XPO7: variants seen among roughly 807,000 people sequenced by gnomAD.
XPO7 encodes exportin 7.
XPO7 carries 21 observed loss-of-function variants against 144.3 expected under a neutral mutation model. The observed-to-expected ratio is 0.15, with a 90% CI of 0.10 to 0.21. The LOEUF (loss-of-function observed/expected upper bound fraction) is 0.21, where lower values mean the gene tolerates loss of function less well. XPO7 is among the 10% of genes least tolerant of loss of function. XPO7 has a pLI of 1.00. For synonymous variants in XPO7, 580 were observed against 499.6 expected (o/e 1.16, Z -2.15); for missense variants, 808 against 1,325.8 (o/e 0.61, Z 6.06).
intron 7 of XPO7, among the ~76,000 whole-genome samples, chr8:21,977,288 A>G (rs1207728989): frequency 6.6e-6 from 1 of 152,224 alleles, no homozygotes; most frequent in Admixed American, 6.5e-5. Flanking sequence ...TACTTTCAAA[A>G]AAAGAAAAGA....
Position 21,984,632 on chromosome 8 carries a change from TC to T in XPO7, c.1278-11del. The stretch of plus-strand genomic sequence containing the variant: ...ATTTTAAGAGAGCTGCCTTCCTTCT[TC>T]CCTTGGGAATAGAGATGGCCTGGAA... On this transcript the variant is annotated splice_polypyrimidine_tract_variant and intron_variant, in intron 11 of 27. Coordinates refer to ENST00000252512, the MANE Select transcript of XPO7 (RefSeq NM_015024.5). 6.2e-7 allele frequency: 1 copy of T among 1,600,530 alleles called. No homozygotes were observed. The highest frequency in any genetic ancestry group is 8.5e-7 in the Non-Finnish European group (1 of 1,173,568).
intron 1 of XPO7, among the ~76,000 whole-genome samples, chr8:21,926,296 T>C (rs1585412374): frequency 6.6e-6 from 1 of 152,168 alleles, no homozygotes; most frequent in Non-Finnish European, 1.5e-5. Flanking sequence ...TGAACTTGAG[T>C]TGGACACATG....
intron 12 of XPO7, 146 bp from the exon 13 acceptor site, chr8:21,985,440 C>G: frequency 1.3e-6 from 1 of 741,630 alleles, no homozygotes; most frequent in Non-Finnish European, 2.3e-6. Flanking sequence ...TTGCCCTTAC[C>G]AAAGCAGAGA....
intron 1 of XPO7, among the ~76,000 whole-genome samples, chr8:21,948,208 G>A (rs1016993780): frequency 1.3e-5 from 2 of 152,318 alleles, no homozygotes; most frequent in Middle Eastern, 3.4e-3. Flanking sequence ...TTTGGTCAAC[G>A]ATGGATCACA....
At chr8:21,963,043 A>G (rs1489581234) in intron 1 of XPO7, among the ~76,000 whole-genome samples, 1 of 152,194 alleles carries the variant, frequency 6.6e-6, no homozygotes, top group African/African-American at 2.4e-5. Flanking sequence ...AGGGTTTGTG[A>G]AAAGGGTGAA....
chr8:21,987,395 C>T, intron 14 of XPO7, 119 bp downstream of exon 14: 1 of 1,376,560 alleles, frequency 7.3e-7, no homozygotes, highest in South Asian at 1.4e-5. Context: ...TAGGACAGTC[C>T]AAATGTTTTC....
chr8:21,962,427 T>G (rs1298030315), intron 1 of XPO7, among the ~76,000 whole-genome samples: 1 of 152,218 alleles, frequency 6.6e-6, no homozygotes, highest in Non-Finnish European at 1.5e-5. Flanking sequence ...TTGTGAATAG[T>G]TTTTTGTCTG....
intron 9 of XPO7, 113 bp downstream of exon 9, chr8:21,980,316 G>A (rs951872680): frequency 2.7e-4 from 341 of 1,267,888 alleles, no homozygotes; most frequent in Admixed American, 1.0e-3. Flanking sequence ...GTTCTTCAGG[G>A]AAGACTGAAG....
intron 1 of XPO7, among the ~76,000 whole-genome samples, chr8:21,921,004 TCG>T (rs1258009146): frequency 6.6e-6 from 1 of 152,134 alleles, no homozygotes; most frequent in Non-Finnish European, 1.5e-5. Flanking sequence ...AAGTAGATCT[TCG>T]GAGTGTGCGG....
chr8:21,994,925 G>C (rs1812893157), intron 20 of XPO7, among the ~76,000 whole-genome samples: 1 of 152,050 alleles, frequency 6.6e-6, no homozygotes. Flanking sequence ...GTGGTGGCGG[G>C]CGCTTGTAGT....
chr8:21,950,496 G>A (rs1041103019), intron 1 of XPO7, among the ~76,000 whole-genome samples: 5 of 152,198 alleles, frequency 3.3e-5, no homozygotes, highest in African/African-American at 1.2e-4. Context: ...TGTTTAGGTT[G>A]CATCATGTCT....
At chr8:21,930,044 G>T (rs1810593685) in intron 1 of XPO7, among the ~76,000 whole-genome samples, 1 of 152,200 alleles carries the variant, frequency 6.6e-6, no homozygotes. Context: ...CACTGAGAAG[G>T]TGGAGGAAAT....
intron 14 of XPO7, 55 bp downstream of exon 14, chr8:21,987,331 C>T: frequency 6.2e-7 from 1 of 1,606,868 alleles, no homozygotes; most frequent in Non-Finnish European, 8.5e-7. Context: ...TGTGGGATTG[C>T]TGATGGAGGG....
intron 1 of XPO7, chr8:21,921,548 C>T (rs1036070141): frequency 6.6e-6 from 1 of 152,124 alleles, no homozygotes; most frequent in African/African-American, 2.4e-5. Context: ...CCCACATTTT[C>T]GAAGCATAAA....
At chr8:21,943,270 C>A (rs1811053374) in intron 1 of XPO7, among the ~76,000 whole-genome samples, 1 of 152,134 alleles carries the variant, frequency 6.6e-6, no homozygotes, top group South Asian at 2.1e-4. Context: ...AATTGGCACA[C>A]AATACGGCTT....
intron 1 of XPO7, among the ~76,000 whole-genome samples, chr8:21,944,206 A>G (rs1043866415): frequency 6.6e-6 from 1 of 152,164 alleles, no homozygotes; most frequent in Non-Finnish European, 1.5e-5. Flanking sequence ...TCAGTAACTT[A>G]GGTAAGGACA....
chr8:21,950,166 T>C (rs1221705907), intron 1 of XPO7, among the ~76,000 whole-genome samples: 4 of 152,246 alleles, frequency 2.6e-5, no homozygotes, highest in Non-Finnish European at 5.9e-5. Flanking sequence ...TATTGTAGTT[T>C]GGGAAATCTT....
At chr8:21,957,746 T>C (rs945493588) in intron 1 of XPO7, among the ~76,000 whole-genome samples, 7 of 152,212 alleles carry the variant, frequency 4.6e-5, no homozygotes, top group Admixed American at 4.6e-4. Context: ...CCAGACACTC[T>C]TGTACTTTGC....
intron 1 of XPO7, among the ~76,000 whole-genome samples, chr8:21,943,793 A>C (rs1449164748): frequency 6.6e-6 from 1 of 152,214 alleles, no homozygotes; most frequent in African/African-American, 2.4e-5. Flanking sequence ...TGGGAAGATA[A>C]GTTATAATCT....
Sources: allele counts gnomAD v4.1 joint callset (sites outside exome capture counted in the v4.1 genomes callset), GRCh38; gene constraint gnomAD v4.1.1; transcripts MANE v1.5; gene names NCBI Gene and HGNC (gene_info 2026-07-23, HGNC 2026-07-21).